The following ZFAND1 variants were observed in gnomAD, a reference collection of about 807,000 sequenced individuals.
ZFAND1 encodes the protein AN1-type zinc finger protein 1.
A neutral mutation model predicts 38.5 loss-of-function variants in ZFAND1; 40 were observed. The observed-to-expected ratio is 1.04, with a 90% confidence interval of 0.81 to 1.35. ZFAND1 has a LOEUF of 1.35. Ranked by LOEUF, ZFAND1 falls within the 40% of genes most tolerant of loss-of-function variation. The pLI, the probability that ZFAND1 is intolerant of heterozygous loss-of-function variation, is 0.00. For synonymous variants in ZFAND1, 117 were observed against 103.6 expected, an observed-to-expected ratio of 1.13 and a Z score of -0.78; for missense variants, 346 against 316.3, an observed-to-expected ratio of 1.09 and a Z score of -0.71.
chr8:81,704,469 G>C (rs900041183), intron 6 of ZFAND1, among the ~76,000 whole-genome samples: 3 of 150,582 alleles, frequency 2.0e-5, no homozygotes, highest in Non-Finnish European at 4.4e-5. Flanking sequence ...GCCCAAGAAG[G>C]TCGAGGCTGC....
chr8:81,706,339 A>G (rs1315739990), intron 6 of ZFAND1, among the ~76,000 whole-genome samples: 2 of 150,948 alleles, frequency 1.3e-5, no homozygotes, highest in South Asian at 4.2e-4. Flanking sequence ...TACTTTAGTA[A>G]AAATACAAGT....
Position 81,702,716 on chromosome 8 carries a change from AT to A in ZFAND1, c.785del (p.Asn262MetfsTer37), listed in dbSNP as rs776140486. The A allele has an allele frequency of 2.6e-6, 4 of 1,551,014 alleles. No homozygotes were observed. Among genetic ancestry groups the A allele is most frequent in the South Asian group, 1.3e-5 (1 of 78,984 alleles). ...ATGACTATTCCAAGTAAGATTCAAC[AT>A]TTTTACAGAATTGTTCTTCATCATT... is the stretch of plus-strand genomic sequence containing the variant. ...YLNDEEQFCK[N>X]VESYLE On this transcript the variant is annotated frameshift_variant, in exon 8 of 8. Coordinates refer to ENST00000220669, the MANE Select transcript of ZFAND1 (RefSeq NM_024699.3). LOFTEE classifies it high-confidence loss of function.
Position 81,714,976 on chromosome 8 carries a change from T to G in ZFAND1, c.266+11A>C. 6.2e-7 allele frequency: 1 copy of G among 1,614,068 alleles called. No homozygotes were observed. Among genetic ancestry groups the G allele is most frequent in the Non-Finnish European group, 8.5e-7 (1 of 1,179,918 alleles). Reference sequence around the variant, plus strand: ...ATATACAAAGTGTGAACAGCCTAAGTGATCAATCACCTCAGGCAAAAATTC... The same window carrying G: ...ATATACAAAGTGTGAACAGCCTAAGGGATCAATCACCTCAGGCAAAAATTC... On this transcript the variant is annotated intron_variant, in intron 4 of 7. Coordinates refer to ENST00000220669, the MANE Select transcript of ZFAND1 (RefSeq NM_024699.3).
rs1325164042 is a variant in ZFAND1, at chr8:81,721,249, C to T, written c.33G>A (p.Gln11=). The change falls in exon 1 of 8, where the codon CAG becomes CAA. Residue 11 remains glutamine (Q), a synonymous_variant. Coordinates refer to ENST00000220669, the MANE Select transcript of ZFAND1 (RefSeq NM_024699.3). ...CACCTCGCTGCCGGCAATGCTCCAC[C>T]TGGCAGTGCTGCCCGATGTCCAACT... is the stretch of plus-strand genomic sequence containing the variant. MAELDIGQHC[Q]VEHCRQRDFL... is the part of the protein sequence containing the mutation. 1.3e-6 allele frequency: 2 copies of T among 1,549,296 alleles called. No homozygotes were observed. Among genetic ancestry groups the T allele is most frequent in the Admixed American group, 2.0e-5 (1 of 51,042 alleles).
intron 5 of ZFAND1, 141 bp from the exon 6 acceptor site, chr8:81,714,180 G>T (rs1808229471): frequency 1.3e-6 from 1 of 745,666 alleles, no homozygotes; most frequent in Non-Finnish European, 2.0e-6. Context: ...TCATTGTATA[G>T]GTATTGTATT....
chr8:81,713,942 A>G lies in ZFAND1; in HGVS notation c.456T>C (p.Ala152=). ...KVALMKLKMH[A]DGDKSLPQTE... is the part of the protein sequence containing the mutation. ...CCTGTGGTAATGACTTATCGCCATC[A>G]GCATGCATCTTTAATTTCATCAATG... The change falls in exon 6 of 8, where the codon GCT becomes GCC. Residue 152 remains alanine, a synonymous_variant. Coordinates refer to ENST00000220669, the MANE Select transcript of ZFAND1 (RefSeq NM_024699.3). 2 of 1,612,778 alleles carry G rather than the reference A, an allele frequency of 1.2e-6. No individual in the cohort carries two copies. Among genetic ancestry groups the G allele is most frequent in the Non-Finnish European group, 1.7e-6 (2 of 1,179,686 alleles).
At chr8:81,720,407 T>A (rs1808437506) in intron 1 of ZFAND1, among the ~76,000 whole-genome samples, 1 of 152,134 alleles carries the variant, frequency 6.6e-6, no homozygotes, top group Admixed American at 6.5e-5. Flanking sequence ...GACTGTAGTT[T>A]ACACCCTTAT....
intron 5 of ZFAND1, 85 bp from the exon 6 acceptor site, chr8:81,714,124 G>A: frequency 7.9e-7 from 1 of 1,270,482 alleles, no homozygotes. Flanking sequence ...TTATGGCTCA[G>A]AAACATATAT....
chr8:81,715,240 A>G (rs1166668894), intron 3 of ZFAND1, 126 bp from the exon 4 acceptor site: 2 of 876,358 alleles, frequency 2.3e-6, no homozygotes, highest in African/African-American at 1.7e-5. Flanking sequence ...ACTTACTCTC[A>G]AAGATTATAA....
At chr8:81,718,346 A>ACTAT (rs1808374592) in intron 1 of ZFAND1, 122 bp from the exon 2 acceptor site, 1 of 623,178 alleles carries the variant, frequency 1.6e-6, no homozygotes, top group African/African-American at 1.9e-5. Context: ...TGTAGCAAGC[A>ACTAT]CTATGTAACC....
chr8:81,712,616 C>T (rs1808172152), intron 6 of ZFAND1, among the ~76,000 whole-genome samples: 1 of 151,694 alleles, frequency 6.6e-6, no homozygotes, highest in Admixed American at 6.6e-5. Context: ...ATAATGACAA[C>T]AAAAATTATA....
At chr8:81,708,683 T>C in intron 6 of ZFAND1, 1 of 888,270 alleles carries the variant, frequency 1.1e-6, no homozygotes, top group African/African-American at 1.8e-5. Flanking sequence ...TGTAAAATAT[T>C]AAAAAGAATG....
intron 6 of ZFAND1, among the ~76,000 whole-genome samples, chr8:81,707,905 G>C (rs1217076856): frequency 2.0e-5 from 3 of 151,994 alleles, no homozygotes; most frequent in Admixed American, 2.0e-4. Flanking sequence ...ATAAAATTAA[G>C]CCCTCAGCTC....
chr8:81,709,274 C>T (rs560382034), intron 6 of ZFAND1, among the ~76,000 whole-genome samples: 16 of 152,160 alleles, frequency 1.1e-4, no homozygotes, highest in African/African-American at 3.9e-4. Flanking sequence ...CCCAAACCTG[C>T]TTTAGTTTTA....
intron 2 of ZFAND1, among the ~76,000 whole-genome samples, chr8:81,717,823 G>A (rs1808361280): frequency 6.6e-6 from 1 of 151,960 alleles, no homozygotes; most frequent in African/African-American, 2.4e-5. Context: ...GTCAAATGCT[G>A]TGATTCCTAT....
At chr8:81,718,260 T>A in intron 1 of ZFAND1, 36 bp from the exon 2 acceptor site, 2 of 1,462,026 alleles carry the variant, frequency 1.4e-6, no homozygotes, top group South Asian at 1.4e-5. Flanking sequence ...CTGGTCAGTA[T>A]CTGATTTTGA....
At chr8:81,706,397 A>AAAAAAAAG (rs1807986312) in intron 6 of ZFAND1, among the ~76,000 whole-genome samples, 1 of 142,354 alleles carries the variant, frequency 7.0e-6, no homozygotes, top group African/African-American at 2.5e-5. Context: ...AAAAAAAAGA[A>AAAAAAAAG]GTGTTGGTAA....
Position 81,717,234 on chromosome 8 carries a change from A to G in ZFAND1, c.138+15T>C. The G allele has an allele frequency of 6.5e-7, 1 of 1,533,448 alleles. No individual in the cohort carries two copies. The highest frequency in any genetic ancestry group is 8.7e-7 in the Non-Finnish European group (1 of 1,149,454). 95.0% of individuals were successfully genotyped at this position (1,533,448 alleles called of 1,614,324 possible). On this transcript the variant is annotated intron_variant, in intron 3 of 7. Transcript: ENST00000220669. ...TACGAATACATTTTATCAGATTGGA[A>G]AAATACTAACATACCTCAGGACAAC...
intron 6 of ZFAND1, among the ~76,000 whole-genome samples, chr8:81,711,137 G>A (rs1279795439): frequency 6.6e-6 from 1 of 152,162 alleles, no homozygotes; most frequent in Non-Finnish European, 1.5e-5. Flanking sequence ...CAAACTGCCG[G>A]GCATGGTGGC....
Sources: allele counts gnomAD v4.1 joint callset (sites outside exome capture counted in the v4.1 genomes callset), GRCh38; gene constraint gnomAD v4.1.1; transcripts MANE v1.5; gene names NCBI Gene and HGNC (gene_info 2026-07-23, HGNC 2026-07-21).